HTR1F: variants seen among roughly 807,000 people sequenced by gnomAD.
HTR1F encodes the protein 5-hydroxytryptamine receptor 1F, also known as 5-hydroxytryptamine (serotonin) receptor 1F, G protein-coupled.
HTR1F carries 17 observed loss-of-function variants against 24.0 expected under a neutral mutation model. That is an observed-to-expected ratio of 0.71 (90% CI 0.48 to 1.06). The LOEUF (loss-of-function observed/expected upper bound fraction) is 1.06, where lower values mean the gene tolerates loss of function less well. Among genes scored for constraint, HTR1F ranks in the 50% least tolerant of loss-of-function variants. The pLI is 0.00. For missense variants in HTR1F, 391 were observed against 427.8 expected, an observed-to-expected ratio of 0.91 and a Z score of 0.76; for synonymous variants, 186 against 156.8, an observed-to-expected ratio of 1.19 and a Z score of -1.39.
intron 2 of HTR1F, among the ~76,000 whole-genome samples, chr3:87,907,932 G>A (rs189204514): frequency 3.9e-5 from 6 of 151,936 alleles, no homozygotes; most frequent in Admixed American, 3.9e-4. Context: ...ATAAGTTTCT[G>A]TCTGGAAACA....
chr3:87,962,347 T>C (rs2107481029), intron 2 of HTR1F, among the ~76,000 whole-genome samples: 1 of 152,228 alleles, frequency 6.6e-6, no homozygotes, highest in Non-Finnish European at 1.5e-5. Context: ...GTACAAAAGC[T>C]ATTTCAAACT....
chr3:87,877,143 T>C (rs1340036617), intron 2 of HTR1F, among the ~76,000 whole-genome samples: 1 of 152,006 alleles, frequency 6.6e-6, no homozygotes, highest in Non-Finnish European at 1.5e-5. Context: ...TTGTAGTGAG[T>C]TGAAATCTCT....
chr3:87,972,129 C>G (rs1705298695), intron 2 of HTR1F, among the ~76,000 whole-genome samples: 2 of 151,990 alleles, frequency 1.3e-5, no homozygotes, highest in African/African-American at 2.4e-5. Context: ...TGTTCTAGGC[C>G]CAGGGATTAA....
At chr3:87,905,648 G>T (rs779786461) in intron 2 of HTR1F, among the ~76,000 whole-genome samples, 2 of 151,262 alleles carry the variant, frequency 1.3e-5, no homozygotes, top group Non-Finnish European at 1.5e-5. Context: ...ATTACAATTT[G>T]TCTATGTTTT....
At chr3:87,953,102 G>A (rs1704869485) in intron 2 of HTR1F, among the ~76,000 whole-genome samples, 1 of 151,280 alleles carries the variant, frequency 6.6e-6, no homozygotes, top group African/African-American at 2.4e-5. Context: ...TAAACTACTA[G>A]AATAAATATA....
At chr3:87,815,233 T>C (rs962170767) in intron 1 of HTR1F, among the ~76,000 whole-genome samples, 1 of 152,084 alleles carries the variant, frequency 6.6e-6, no homozygotes, top group African/African-American at 2.4e-5. Context: ...AAAAATAGTG[T>C]CTGCAGTGTT....
chr3:87,885,270 A>G (rs954473948), intron 2 of HTR1F, among the ~76,000 whole-genome samples: 22 of 152,218 alleles, frequency 1.4e-4, no homozygotes, highest in African/African-American at 5.3e-4. Flanking sequence ...GAAGGCAGAG[A>G]TAAAGATGTT....
chr3:87,903,725 C>T (rs1330528167), intron 2 of HTR1F, among the ~76,000 whole-genome samples: 2 of 152,090 alleles, frequency 1.3e-5, no homozygotes, highest in East Asian at 1.9e-4. Flanking sequence ...GGTGATTCCT[C>T]AGGGATCTAG....
intron 2 of HTR1F, among the ~76,000 whole-genome samples, chr3:87,845,261 G>T (rs1427736438): frequency 6.6e-6 from 1 of 151,392 alleles, no homozygotes; most frequent in Non-Finnish European, 1.5e-5. Flanking sequence ...GGAAATAAAG[G>T]GTATTCAATT....
chr3:87,912,051 G>T (rs1559628478), intron 2 of HTR1F, among the ~76,000 whole-genome samples: 2 of 152,056 alleles, frequency 1.3e-5, no homozygotes, highest in Non-Finnish European at 2.9e-5. Flanking sequence ...ACATAGTATT[G>T]TAAGTCCTGG....
chr3:87,890,684 T>C (rs1409462650), intron 2 of HTR1F, among the ~76,000 whole-genome samples: 1 of 151,994 alleles, frequency 6.6e-6, no homozygotes, highest in African/African-American at 2.4e-5. Flanking sequence ...CATATGAATA[T>C]CATGTACCCA....
At chr3:87,973,744 T>C (rs1442320042) in intron 2 of HTR1F, among the ~76,000 whole-genome samples, 2 of 152,218 alleles carry the variant, frequency 1.3e-5, no homozygotes, top group African/African-American at 2.4e-5. Context: ...TTTGGACACA[T>C]GCCCTACTAA....
At chr3:87,871,636 CA>C (rs940301836) in intron 2 of HTR1F, among the ~76,000 whole-genome samples, 2 of 149,918 alleles carry the variant, frequency 1.3e-5, no homozygotes, top group African/African-American at 2.4e-5. Flanking sequence ...AAGTGAAAAG[CA>C]AAAAAAAATT....
chr3:87,842,521 G>A lies in HTR1F; in HGVS notation c.-43+20397G>A, dbSNP rs149465547. 4.7e-3 allele frequency among the ~76,000 whole-genome samples: 710 copies of A among 151,738 alleles called. 21 individuals are homozygous for A. The highest frequency in any genetic ancestry group is 0.013 in the African/African-American group (519 of 41,194). ...TGAGATGAGTTATGAAACATCTCACGAGCTATATTAGATTTTCAAATATCT... is the reference window on the plus strand; with the variant it reads ...TGAGATGAGTTATGAAACATCTCACAAGCTATATTAGATTTTCAAATATCT... On this transcript the variant is annotated intron_variant, in intron 2 of 2. Coordinates refer to ENST00000319595, the MANE Select transcript of HTR1F (RefSeq NM_001322209.2).
intron 2 of HTR1F, among the ~76,000 whole-genome samples, chr3:87,969,856 G>A (rs1031918861): frequency 2.6e-5 from 4 of 152,208 alleles, no homozygotes; most frequent in Non-Finnish European, 5.9e-5. Flanking sequence ...CCCAGAGGGA[G>A]GTAATTGAAT....
In HTR1F at chr3:87,991,748, A is replaced by G. The variant is rs773522735; in HGVS notation, c.999A>G (p.Ala333=). The change falls in exon 3 of 3, where the codon GCA becomes GCG. Residue 333 remains alanine, a synonymous_variant. Transcript: ENST00000319595. The part of the protein sequence containing the change: ...KISEEMSNFL[A]WLGYLNSLIN... ...CTGAAGAAATGTCCAATTTTTTGGC[A>G]TGGCTTGGGTATCTCAATTCCCTTA... The G allele has an allele frequency of 1.2e-6, 2 of 1,613,860 alleles. No individual in the cohort carries two copies. Among genetic ancestry groups the G allele is most frequent in the South Asian group, 2.2e-5 (2 of 91,064 alleles).
intron 1 of HTR1F, among the ~76,000 whole-genome samples, chr3:87,808,713 T>C (rs1429194741): frequency 5.9e-5 from 9 of 151,958 alleles, no homozygotes; most frequent in Non-Finnish European, 1.2e-4. Flanking sequence ...AATTGTCTAT[T>C]TGAAATCTTT....
chr3:87,881,119 G>T (rs1322987439), intron 2 of HTR1F, among the ~76,000 whole-genome samples: 1 of 152,180 alleles, frequency 6.6e-6, no homozygotes, highest in Non-Finnish European at 1.5e-5. Context: ...CCTAAGCAGG[G>T]CGGGGCATTG....
intron 2 of HTR1F, among the ~76,000 whole-genome samples, chr3:87,928,650 C>T (rs1811618): frequency 0.2 from 29,699 of 151,982 alleles, 3,381 homozygotes; most frequent in African/African-American, 0.32. Flanking sequence ...AACCACCTTC[C>T]GCAGCTTTTG....
Sources: allele counts gnomAD v4.1 joint callset (sites outside exome capture counted in the v4.1 genomes callset), GRCh38; gene constraint gnomAD v4.1.1; transcripts MANE v1.5; gene names NCBI Gene and HGNC (gene_info 2026-07-23, HGNC 2026-07-21).